The following CDH18 variants were observed in gnomAD, a reference collection of about 807,000 sequenced individuals.
The protein encoded by CDH18 is cadherin 18.
Under a neutral mutation model 67.9 loss-of-function variants are expected in CDH18, and 31 were observed. The observed-to-expected ratio is 0.46, with a 90% CI of 0.34 to 0.62. CDH18 has a LOEUF of 0.62. Among genes scored for constraint, CDH18 ranks in the 20% least tolerant of loss-of-function variants. The pLI, the probability that CDH18 is intolerant of heterozygous loss-of-function variation, is 0.01. For synonymous variants in CDH18, 362 were observed against 347.2 expected (o/e 1.04, Z -0.48); for missense variants, 890 against 975.5 (o/e 0.91, Z 1.17).
chr5:20,036,182 C>T (rs1739842726), intron 2 of CDH18, among the ~76,000 whole-genome samples: 1 of 151,968 alleles, frequency 6.6e-6, no homozygotes, highest in Non-Finnish European at 1.5e-5. Flanking sequence ...CCAAAGGGTG[C>T]TGATCCACAG....
intron 12 of CDH18, among the ~76,000 whole-genome samples, chr5:19,478,024 T>C (rs906023535): frequency 6.6e-6 from 1 of 152,206 alleles, no homozygotes; most frequent in African/African-American, 2.4e-5. Flanking sequence ...ATTATCATTT[T>C]ATATTATAAA....
At chr5:20,024,988 C>T (rs531590165) in intron 2 of CDH18, among the ~76,000 whole-genome samples, 5 of 152,200 alleles carry the variant, frequency 3.3e-5, no homozygotes, top group Admixed American at 6.5e-5. Flanking sequence ...ATAATTTCAC[C>T]GATGCTCTTC....
intron 2 of CDH18, among the ~76,000 whole-genome samples, chr5:20,184,281 T>G (rs1737923962): frequency 6.6e-6 from 1 of 152,108 alleles, no homozygotes. Flanking sequence ...ATTATTTGCC[T>G]GTACCCAAAT....
At chr5:20,300,326 G>A (rs1042357570) in intron 1 of CDH18, among the ~76,000 whole-genome samples, 5 of 151,760 alleles carry the variant, frequency 3.3e-5, no homozygotes, top group Middle Eastern at 3.2e-3. Context: ...GTGTGTGTGT[G>A]TGTGTGTATT....
At chr5:20,507,001 G>C (rs1469938289) in intron 1 of CDH18, among the ~76,000 whole-genome samples, 1 of 152,100 alleles carries the variant, frequency 6.6e-6, no homozygotes, top group Non-Finnish European at 1.5e-5. Context: ...TTTTAGTCAT[G>C]CTGCCAGGAA....
chr5:19,491,715 T>G (rs1741493559), intron 11 of CDH18, among the ~76,000 whole-genome samples: 1 of 152,096 alleles, frequency 6.6e-6, no homozygotes, highest in Non-Finnish European at 1.5e-5. Context: ...AGAAAAAAAG[T>G]TTTCCTGTTT....
chr5:19,533,478 C>T (rs987552862), intron 9 of CDH18, among the ~76,000 whole-genome samples: 2 of 152,054 alleles, frequency 1.3e-5, no homozygotes, highest in African/African-American at 4.8e-5. Context: ...AATGAGATAA[C>T]AGAGATGTAT....
intron 3 of CDH18, among the ~76,000 whole-genome samples, chr5:19,792,531 C>T (rs1214563495): frequency 6.6e-6 from 1 of 152,116 alleles, no homozygotes; most frequent in Non-Finnish European, 1.5e-5. Flanking sequence ...AGCAAATTCC[C>T]ACAGTAAATC....
chr5:20,371,841 A>T (rs1027201033), intron 1 of CDH18, among the ~76,000 whole-genome samples: 2 of 152,200 alleles, frequency 1.3e-5, no homozygotes, highest in African/African-American at 4.8e-5. Flanking sequence ...GAGTAAGAGA[A>T]GAACAATGCA....
intron 1 of CDH18, among the ~76,000 whole-genome samples, chr5:20,321,733 G>T: frequency 6.7e-6 from 1 of 149,294 alleles, no homozygotes; most frequent in African/African-American, 2.5e-5. Context: ...ATATGTTATT[G>T]ACATAATCAT....
At chr5:20,225,964 G>A (rs1346996367) in intron 2 of CDH18, among the ~76,000 whole-genome samples, 2 of 152,072 alleles carry the variant, frequency 1.3e-5, no homozygotes, top group African/African-American at 4.8e-5. Flanking sequence ...AAGACGGGCA[G>A]TGCCAGGACA....
intron 12 of CDH18, among the ~76,000 whole-genome samples, chr5:19,478,142 ATATTATG>A (rs1738801526): frequency 6.6e-6 from 1 of 152,074 alleles, no homozygotes. Context: ...TTTTTCCTAT[ATATTATG>A]TATCATTCCA....
chr5:19,780,784 A>G (rs1775023278), intron 3 of CDH18, among the ~76,000 whole-genome samples: 1 of 151,986 alleles, frequency 6.6e-6, no homozygotes, highest in Admixed American at 6.6e-5. Context: ...ATATGGCCAC[A>G]ATTTTCAGAT....
At chr5:20,014,096 C>A (rs1737684224) in intron 2 of CDH18, among the ~76,000 whole-genome samples, 1 of 152,056 alleles carries the variant, frequency 6.6e-6, no homozygotes, top group African/African-American at 2.4e-5. Flanking sequence ...AGGCATTCCC[C>A]AAATATGACA....
intron 2 of CDH18, among the ~76,000 whole-genome samples, chr5:20,247,815 C>G (rs1358669308): frequency 6.8e-6 from 1 of 147,018 alleles, no homozygotes; most frequent in Non-Finnish European, 1.5e-5. Flanking sequence ...TAGTTCAAAA[C>G]AAAACATTTT....
intron 1 of CDH18, among the ~76,000 whole-genome samples, chr5:20,511,442 A>T (rs1373989665): frequency 6.6e-6 from 1 of 152,130 alleles, no homozygotes; most frequent in African/African-American, 2.4e-5. Flanking sequence ...TTTTTTTGCC[A>T]GCCATTTTTT....
chr5:20,461,409 T>C (rs1751258621), intron 1 of CDH18, among the ~76,000 whole-genome samples: 1 of 152,114 alleles, frequency 6.6e-6, no homozygotes, highest in Non-Finnish European at 1.5e-5. Flanking sequence ...GCCATGAGAG[T>C]CCAGTGGCAT....
At chr5:20,548,135 C>G (rs1757441137) in intron 1 of CDH18, among the ~76,000 whole-genome samples, 1 of 150,602 alleles carries the variant, frequency 6.6e-6, no homozygotes, top group African/African-American at 2.4e-5. Flanking sequence ...ATCTATATTA[C>G]TATATTAACT....
At chr5:20,102,072 G>GA (rs1746517586) in intron 2 of CDH18, among the ~76,000 whole-genome samples, 2 of 152,010 alleles carry the variant, frequency 1.3e-5, no homozygotes, top group South Asian at 4.1e-4. Context: ...TGCTGTCTCG[G>GA]AAAAAACAAA....
Sources: allele counts gnomAD v4.1 joint callset (sites outside exome capture counted in the v4.1 genomes callset), GRCh38; gene constraint gnomAD v4.1.1; transcripts MANE v1.5; gene names NCBI Gene and HGNC (gene_info 2026-07-23, HGNC 2026-07-21).